GLIS3: variants seen among roughly 807,000 people sequenced by gnomAD.
The protein encoded by GLIS3 is zinc finger protein GLIS3.
Under a neutral mutation model 78.6 loss-of-function variants are expected in GLIS3, and 53 were observed. The ratio of observed to expected loss-of-function variants is 0.67; its 90% confidence interval spans 0.54 to 0.85. The LOEUF is 0.85. Among genes scored for constraint, GLIS3 ranks in the 40% least tolerant of loss-of-function variants. The pLI, the probability that GLIS3 is intolerant of heterozygous loss-of-function variation, is 0.00. For missense variants in GLIS3, 1,703 were observed against 1,231.1 expected, an observed-to-expected ratio of 1.38 and a Z score of -5.74; for synonymous variants, 684 against 509.9, an observed-to-expected ratio of 1.34 and a Z score of -4.60.
At chr9:4,433,952 T>A in the GLIS3 span, among the ~76,000 whole-genome samples, 2 of 151,966 alleles carry the variant, frequency 1.3e-5, no homozygotes, top group African/African-American at 4.8e-5. Flanking sequence ...AAAAATTAGC[T>A]GGGCGTGGTG....
At chr9:4,181,222 G>A (rs1035515049) in intron 2 of GLIS3, among the ~76,000 whole-genome samples, 1 of 152,238 alleles carries the variant, frequency 6.6e-6, no homozygotes, top group Admixed American at 6.5e-5. Context: ...GTATTGGCCA[G>A]GCCCCACCCA....
At chr9:3,951,557 A>C (rs1014634827) in intron 4 of GLIS3, among the ~76,000 whole-genome samples, 4 of 152,104 alleles carry the variant, frequency 2.6e-5, no homozygotes, top group Non-Finnish European at 4.4e-5. Flanking sequence ...CCTGAAAAAT[A>C]GACCACTGGC....
rs1265317427 is a variant in GLIS3, at chr9:3,991,683, A to AATTTTTTT, written c.1711-54495_1711-54494insAAAAAAAT. Among the ~76,000 whole-genome samples the AATTTTTTT allele has an allele frequency of 3.3e-4, 29 of 87,904 alleles. 3 individuals carry two copies. Among genetic ancestry groups the AATTTTTTT allele is most frequent in the South Asian group, 1.9e-3 (4 of 2,118 alleles). The allele number at this position is 87,904 out of a possible 152,430, so 57.7% of individuals were successfully genotyped here. A position where few individuals can be genotyped will look rare whatever the true frequency, so the allele number is the denominator to read the frequency against. On this transcript the variant is annotated intron_variant, in intron 4 of 10. Coordinates refer to ENST00000381971, the MANE Select transcript of GLIS3 (RefSeq NM_001042413.2). ...GTTCAGAATTTCATTAAGTAGGCTG[A>AATTTTTTT]TTTTTTTTTTTTTTTTTTTTTTTTT... is the stretch of plus-strand genomic sequence containing the variant.
intron 4 of GLIS3, among the ~76,000 whole-genome samples, chr9:4,102,019 G>A (rs901924715): frequency 1.3e-5 from 2 of 152,138 alleles, no homozygotes; most frequent in Admixed American, 1.3e-4. Context: ...AAATGGATGA[G>A]CAATTGATCA....
At chr9:4,298,824 C>G (rs1816847607) in intron 1 of GLIS3, among the ~76,000 whole-genome samples, 1 of 152,166 alleles carries the variant, frequency 6.6e-6, no homozygotes, top group Admixed American at 6.5e-5. Flanking sequence ...TGTAGGTACC[C>G]TCAGCCCGAC....
At chr9:4,338,393 C>T (rs970821408) in intron 2 of GLIS3, among the ~76,000 whole-genome samples, 1 of 146,422 alleles carries the variant, frequency 6.8e-6, no homozygotes, top group African/African-American at 2.7e-5. Flanking sequence ...CACACATACA[C>T]ACACACACAC....
At chr9:3,853,038 A>G (rs1819533540) in intron 9 of GLIS3, among the ~76,000 whole-genome samples, 1 of 152,108 alleles carries the variant, frequency 6.6e-6, no homozygotes, top group Non-Finnish European at 1.5e-5. Flanking sequence ...GTGAGACTCC[A>G]TTTCTACAAA....
intron 6 of GLIS3, among the ~76,000 whole-genome samples, chr9:3,929,617 G>T (rs1563861153): frequency 1.3e-5 from 2 of 152,142 alleles, no homozygotes; most frequent in African/African-American, 2.4e-5. Flanking sequence ...TTACAAAGGG[G>T]ATTAGAGGCA....
the GLIS3 span, among the ~76,000 whole-genome samples, chr9:4,454,149 A>AT: frequency 1.5e-4 from 11 of 71,424 alleles, no homozygotes; most frequent in African/African-American, 4.3e-4. Context: ...GTATATGATG[A>AT]TAAAAAAAAA....
chr9:4,071,209 G>T (rs185465752), intron 4 of GLIS3: 1 of 152,148 alleles, frequency 6.6e-6, no homozygotes, highest in Non-Finnish European at 1.5e-5. Context: ...CATTTCAGAG[G>T]TATGATGTAT....
intron 4 of GLIS3, among the ~76,000 whole-genome samples, chr9:4,000,942 G>C (rs141556758): frequency 1.3e-5 from 2 of 152,174 alleles, no homozygotes; most frequent in African/African-American, 4.8e-5. Context: ...CTTTCACAAA[G>C]CTATATGCCA....
At chr9:4,166,676 G>A (rs977158544) in intron 2 of GLIS3, among the ~76,000 whole-genome samples, 8 of 152,158 alleles carry the variant, frequency 5.3e-5, no homozygotes, top group South Asian at 2.1e-4. Context: ...TATGATTTTC[G>A]GTGTTCTATA....
chr9:4,460,399 C>A, the GLIS3 span, among the ~76,000 whole-genome samples: 1 of 152,194 alleles, frequency 6.6e-6, no homozygotes, highest in Non-Finnish European at 1.5e-5. Flanking sequence ...ACTGTAACTT[C>A]TATACAAGCA....
chr9:4,168,389 G>T (rs2131116832), intron 2 of GLIS3, among the ~76,000 whole-genome samples: 1 of 152,266 alleles, frequency 6.6e-6, no homozygotes, highest in East Asian at 1.9e-4. Flanking sequence ...AAAGCCCAAA[G>T]AAATGGATAA....
At chr9:4,370,972 A>C in the GLIS3 span, among the ~76,000 whole-genome samples, 2 of 152,216 alleles carry the variant, frequency 1.3e-5, no homozygotes, top group African/African-American at 4.8e-5. Flanking sequence ...GGAAAATTGC[A>C]AAGATTAAGC....
At chr9:4,465,334 G>C in the GLIS3 span, among the ~76,000 whole-genome samples, 1 of 152,226 alleles carries the variant, frequency 6.6e-6, no homozygotes, top group Non-Finnish European at 1.5e-5. Flanking sequence ...GATCACCAGA[G>C]GTCGGGAGTT....
At chr9:4,215,000 T>C (rs1425309845) in intron 2 of GLIS3, among the ~76,000 whole-genome samples, 1 of 152,194 alleles carries the variant, frequency 6.6e-6, no homozygotes, top group Non-Finnish European at 1.5e-5. Flanking sequence ...GCTCTCCCTG[T>C]ACTTTGAAAA....
chr9:4,009,529 G>A (rs921329010), intron 4 of GLIS3, among the ~76,000 whole-genome samples: 1 of 152,172 alleles, frequency 6.6e-6, no homozygotes, highest in Non-Finnish European at 1.5e-5. Flanking sequence ...TTTCGTGCTG[G>A]GGACTGGGGG....
chr9:4,026,741 T>A (rs1333470180), intron 4 of GLIS3, among the ~76,000 whole-genome samples: 1 of 152,232 alleles, frequency 6.6e-6, no homozygotes, highest in African/African-American at 2.4e-5. Context: ...ATTAAAGCAC[T>A]TCTACCAATA....
Sources: allele counts gnomAD v4.1 joint callset (sites outside exome capture counted in the v4.1 genomes callset), GRCh38; gene constraint gnomAD v4.1.1; transcripts MANE v1.5; gene names NCBI Gene and HGNC (gene_info 2026-07-23, HGNC 2026-07-21).